Variants in DSN1 observed in about 807,000 individuals in gnomAD.
DSN1 encodes the protein DSN1 component of MIS12 kinetochore complex, also known as kinetochore-associated protein DSN1 homolog.
In DSN1, 31 loss-of-function variants were observed where a neutral mutation model predicts 45.7. The observed-to-expected ratio is 0.68, with a 90% CI of 0.51 to 0.92. The LOEUF is 0.92. DSN1 is among the 40% of genes least tolerant of loss of function. The pLI, the probability that DSN1 is intolerant of heterozygous loss-of-function variation, is 0.00. For synonymous variants in DSN1, 134 were observed against 142.3 expected, an observed-to-expected ratio of 0.94 and a Z score of 0.41; for missense variants, 394 against 414.2, an observed-to-expected ratio of 0.95 and a Z score of 0.42.
intron 7 of DSN1, 118 bp downstream of exon 7, chr20:36,758,440 G>A: frequency 2.4e-6 from 2 of 849,150 alleles, no homozygotes; most frequent in Non-Finnish European, 3.7e-6. Context: ...CTAACTTCTA[G>A]TATTGATGCA....
At position 36,770,859 on chromosome 20, in the gene DSN1, A is replaced by T; in HGVS notation, c.355+14T>A. 4 of 1,599,466 alleles carry T rather than the reference A, an allele frequency of 2.5e-6. No individual in the cohort carries two copies. The highest frequency in any genetic ancestry group is 3.4e-6 in the Non-Finnish European group (4 of 1,175,008). ...GAGCTGGAACCTCACTGTCTTGTGTACACAGCACCCCACCTGTGATGCCCT... is the reference window on the plus strand; with the variant it reads ...GAGCTGGAACCTCACTGTCTTGTGTTCACAGCACCCCACCTGTGATGCCCT... On this transcript the variant is annotated intron_variant, in intron 3 of 10. Transcript: ENST00000373750.
intron 3 of DSN1, 122 bp from the exon 4 acceptor site, chr20:36,768,164 T>A: frequency 1.2e-6 from 1 of 854,638 alleles, no homozygotes; most frequent in South Asian, 1.6e-5. Flanking sequence ...CTTCTTTAGT[T>A]AAAGACAGAA....
At chr20:36,766,007 A>G (rs1396876664) in intron 5 of DSN1, among the ~76,000 whole-genome samples, 1 of 151,012 alleles carries the variant, frequency 6.6e-6, no homozygotes, top group Admixed American at 6.6e-5. Flanking sequence ...AGCCTGGCCA[A>G]CATGGCGAAA....
At chr20:36,761,578 T>C (rs925947768) in intron 6 of DSN1, among the ~76,000 whole-genome samples, 4 of 151,738 alleles carry the variant, frequency 2.6e-5, no homozygotes, top group Non-Finnish European at 5.9e-5. Context: ...AAATTAAAAA[T>C]AGGCCGGCGC....
At chr20:36,756,285 A>C (rs1411569273) in intron 8 of DSN1, among the ~76,000 whole-genome samples, 1 of 152,118 alleles carries the variant, frequency 6.6e-6, no homozygotes, top group Non-Finnish European at 1.5e-5. Context: ...TGGCCTTAAC[A>C]AGAAGTTCTG....
chr20:36,761,741 A>G (rs1431941190), intron 6 of DSN1, among the ~76,000 whole-genome samples: 1 of 152,078 alleles, frequency 6.6e-6, no homozygotes, highest in Non-Finnish European at 1.5e-5. Context: ...TCACACCTAT[A>G]ATCTCAGCAC....
intron 9 of DSN1, 27 bp downstream of exon 9, chr20:36,755,655 C>G: frequency 1.2e-6 from 2 of 1,602,826 alleles, no homozygotes; most frequent in Non-Finnish European, 1.7e-6. Context: ...CTGGATAACT[C>G]AACTAAATAA....
intron 5 of DSN1, among the ~76,000 whole-genome samples, chr20:36,764,513 T>C (rs1432217819): frequency 1.3e-5 from 2 of 152,186 alleles, no homozygotes; most frequent in African/African-American, 2.4e-5. Context: ...GAATAGGTAC[T>C]TCCTAGAAAG....
intron 5 of DSN1, among the ~76,000 whole-genome samples, chr20:36,765,944 G>A (rs893468075): frequency 6.6e-6 from 1 of 150,860 alleles, no homozygotes; most frequent in East Asian, 1.9e-4. Flanking sequence ...TGTAATCCCA[G>A]CACTTTAGGA....
chr20:36,757,909 T>C (rs1986763409), intron 8 of DSN1, among the ~76,000 whole-genome samples, 178 bp downstream of exon 8: 1 of 152,232 alleles, frequency 6.6e-6, no homozygotes, highest in Non-Finnish European at 1.5e-5. Context: ...CAACTCTTCC[T>C]TCCTCTCACT....
chr20:36,764,453 A>G (rs1987201811), intron 5 of DSN1, among the ~76,000 whole-genome samples: 2 of 152,202 alleles, frequency 1.3e-5, no homozygotes, highest in South Asian at 4.1e-4. Flanking sequence ...TTAAGTGGGT[A>G]AACTTGAGTA....
rs536379032 is a variant in DSN1, at chr20:36,752,784, A to G, written c.*4T>C. ...GGCACCTTGTGGCAGAAACTCTCAT[A>G]AAGTCACTGACAAGATCCAGATCCA... On this transcript the variant is annotated 3_prime_UTR_variant, in exon 11 of 11. Transcript: ENST00000373750. The G allele has an allele frequency of 2.5e-6, 4 of 1,613,238 alleles. No homozygotes were observed. Among genetic ancestry groups the G allele is most frequent in the African/African-American group, 1.3e-5 (1 of 74,892 alleles).
chr20:36,767,839 T>G (rs1601023110), intron 4 of DSN1, 130 bp downstream of exon 4: 1 of 823,938 alleles, frequency 1.2e-6, no homozygotes, highest in Non-Finnish European at 1.9e-6. Flanking sequence ...GAGGCGGAGG[T>G]TGCAGTGAGT....
chr20:36,769,384 C>T (rs547486888), intron 3 of DSN1, among the ~76,000 whole-genome samples: 2 of 152,310 alleles, frequency 1.3e-5, no homozygotes, highest in Admixed American at 6.5e-5. Flanking sequence ...CCAGAAATAA[C>T]CAGGCAAGAA....
In DSN1 at chr20:36,766,163, C is replaced by A. The variant is rs751890644; in HGVS notation, c.502+606G>T. On this transcript the variant is annotated intron_variant, in intron 5 of 10. Coordinates refer to ENST00000373750, the MANE Select transcript of DSN1 (RefSeq NM_001145315.2). ...GAGCCAAGACTGTGCCACTGTATTCCAGCCTGGGTGACAGAGCCGCGACTC... is the reference window on the plus strand; with the variant it reads ...GAGCCAAGACTGTGCCACTGTATTCAAGCCTGGGTGACAGAGCCGCGACTC... Among the ~76,000 whole-genome samples the A allele has an allele frequency of 5.2e-4, 71 of 135,644 alleles. 1 individual carries two copies. Among genetic ancestry groups the A allele is most frequent in the Non-Finnish European group, 5.6e-4 (37 of 65,538 alleles). The allele number at this position is 135,644 out of a possible 152,430, so 89.0% of individuals were successfully genotyped here.
intron 3 of DSN1, among the ~76,000 whole-genome samples, chr20:36,768,825 CTG>C (rs2148282892): frequency 6.6e-6 from 1 of 152,312 alleles, no homozygotes; most frequent in South Asian, 2.1e-4. Context: ...AGGCCAGAAA[CTG>C]GAAATCGGTG....
intron 4 of DSN1, 90 bp downstream of exon 4, chr20:36,767,879 G>T: frequency 7.6e-7 from 1 of 1,320,748 alleles, no homozygotes; most frequent in East Asian, 2.3e-5. Flanking sequence ...TCCAGCCTGG[G>T]TGACAGAGTC....
intron 8 of DSN1, among the ~76,000 whole-genome samples, chr20:36,756,935 C>G (rs1986707321): frequency 1.3e-5 from 2 of 152,120 alleles, no homozygotes; most frequent in African/African-American, 4.8e-5. Flanking sequence ...TCCTCAAAGC[C>G]CCTCTCTACT....
intron 9 of DSN1, 124 bp from the exon 10 acceptor site, chr20:36,754,974 T>C: frequency 1.4e-6 from 1 of 740,630 alleles, no homozygotes; most frequent in Non-Finnish European, 2.3e-6. Flanking sequence ...GGAATGCTTA[T>C]GCCAGATAAT....
Sources: gnomAD v4.1 joint callset for allele counts (sites outside exome capture counted in the v4.1 genomes callset) on GRCh38, gnomAD v4.1.1 for gene constraint, MANE v1.5 for transcripts, NCBI Gene and HGNC (gene_info 2026-07-23, HGNC 2026-07-21) for gene names.